The following KIAA0319 variants were observed in gnomAD, a reference collection of about 807,000 sequenced individuals.
KIAA0319 encodes KIAA0319, also known as dyslexia-associated protein KIAA0319.
KIAA0319 carries 83 observed loss-of-function variants against 108.4 expected under a neutral mutation model. The observed-to-expected ratio is 0.77, with a 90% confidence interval of 0.64 to 0.92. The LOEUF is 0.92. Among genes scored for constraint, KIAA0319 ranks in the 40% least tolerant of loss-of-function variants. The pLI, the probability that KIAA0319 is intolerant of heterozygous loss-of-function variation, is 0.00. For missense variants in KIAA0319, 1,195 were observed against 1,322.4 expected (o/e 0.90, Z 1.49); for synonymous variants, 484 against 510.4 (o/e 0.95, Z 0.70).
chr6:24,569,080 C>G (rs1764302105), intron 12 of KIAA0319, 151 bp from the exon 13 acceptor site: 2 of 758,962 alleles, frequency 2.6e-6, no homozygotes, highest in Non-Finnish European at 4.1e-6. Context: ...TCTGTACTCT[C>G]TAGTTCAGTG....
rs542288208 is a variant in KIAA0319, at chr6:24,576,477, G to T, written c.1625C>A (p.Pro542His). 2.5e-5 allele frequency: 40 copies of T among 1,614,106 alleles called. No individual in the cohort carries two copies. The African/African-American group carries it at 4.8e-4, about 19-fold the overall frequency. Residue 542 changes from proline to histidine, a missense_variant, in exon 10 of 21, where the codon CCC (proline) becomes CAC (histidine). Transcript: ENST00000378214. Reference protein sequence around the residue: ...NAGPNHTITLPQNSITLNGNQ... With the variant: ...NAGPNHTITLHQNSITLNGNQ... The stretch of plus-strand genomic sequence containing the variant: ...TCCATTCAAAGTGATGGAGTTTTGG[G>T]GCAAAGTTATGGTGTGATTTGGTCC...
intron 1 of KIAA0319, among the ~76,000 whole-genome samples, chr6:24,610,726 G>T (rs1250310237): frequency 1.3e-5 from 2 of 152,052 alleles, no homozygotes; most frequent in Non-Finnish European, 2.9e-5. Context: ...TTTGTGACAA[G>T]CCTGGGCAAC....
At chr6:24,598,221 C>A in intron 2 of KIAA0319, 1 of 530,650 alleles carries the variant, frequency 1.9e-6, no homozygotes. Context: ...TGGAGGGCAT[C>A]ACAGCCATCA....
chr6:24,601,657 G>A (rs143034481), intron 1 of KIAA0319, among the ~76,000 whole-genome samples: 1 of 152,276 alleles, frequency 6.6e-6, no homozygotes, highest in South Asian at 2.1e-4. Context: ...GGCATCCTAC[G>A]TGACTGGTTA....
rs149012243 is a variant in KIAA0319 at position 24,564,296 on chromosome 6, C to A, written c.2337G>T (p.Thr779=). 12 of 1,614,118 alleles carry A rather than the reference C, an allele frequency of 7.4e-6. No individual in the cohort carries two copies. The highest frequency in any genetic ancestry group is 1.0e-5 in the Non-Finnish European group (12 of 1,180,024). Reference sequence around the variant, plus strand: ...AAGTGTACACCCCCTCCACCAGATTCGTAAGCTGCAGAGCCACACTGTGGT... The same window carrying A: ...AAGTGTACACCCCCTCCACCAGATTAGTAAGCTGCAGAGCCACACTGTGGT... ...GSDHSVALQL[T]NLVEGVYTFH... The change falls in exon 15 of 21, where the codon ACG becomes ACT. Residue 779 remains threonine, a synonymous_variant. Transcript: ENST00000378214.
chr6:24,566,824 C>T, intron 13 of KIAA0319, 76 bp from the exon 14 acceptor site: 1 of 1,335,800 alleles, frequency 7.5e-7, no homozygotes, highest in South Asian at 1.4e-5. Context: ...TGTCATAAAA[C>T]ATCCACAACT....
chr6:24,636,368 C>A (rs759247667), intron 1 of KIAA0319, among the ~76,000 whole-genome samples: 7 of 152,184 alleles, frequency 4.6e-5, no homozygotes, highest in Non-Finnish European at 8.8e-5. Context: ...TCACAAAGTT[C>A]ATGGAAAATG....
At chr6:24,619,792 G>T (rs1184776652) in intron 1 of KIAA0319, among the ~76,000 whole-genome samples, 1 of 152,194 alleles carries the variant, frequency 6.6e-6, no homozygotes, top group Non-Finnish European at 1.5e-5. Context: ...GGTGCAAGGG[G>T]GAGAAACTTA....
chr6:24,549,872 G>T (rs181981242), intron 20 of KIAA0319, among the ~76,000 whole-genome samples: 3 of 152,146 alleles, frequency 2.0e-5, no homozygotes, highest in African/African-American at 2.4e-5. Flanking sequence ...TGTCTGGAGT[G>T]GGGGGCGGTG....
At chr6:24,551,232 C>T (rs1761445495) in intron 20 of KIAA0319, among the ~76,000 whole-genome samples, 1 of 151,736 alleles carries the variant, frequency 6.6e-6, no homozygotes, top group Non-Finnish European at 1.5e-5. Flanking sequence ...GGCGCCTTGG[C>T]CTAAGTGCTA....
chr6:24,565,146 G>A (rs10456042), intron 14 of KIAA0319, among the ~76,000 whole-genome samples: 14,433 of 151,988 alleles, frequency 0.095, 686 homozygotes, highest in South Asian at 0.15. Context: ...CCAGCTACTC[G>A]GGAGGCTGAG....
chr6:24,602,556 T>TTTGG (rs760615923), intron 1 of KIAA0319, among the ~76,000 whole-genome samples: 24 of 152,100 alleles, frequency 1.6e-4, no homozygotes, highest in Non-Finnish European at 3.1e-4. Flanking sequence ...ATCCCAGCAC[T>TTTGG]TTGGGAGGCC....
chr6:24,599,852 G>T lies in KIAA0319; in HGVS notation c.55+1197C>A. On this transcript the variant is annotated intron_variant, in intron 2 of 20. Coordinates refer to ENST00000378214, the MANE Select transcript of KIAA0319 (RefSeq NM_014809.4). This position sits in a 1 kb window ranked among gnomAD's most constrained non-coding sequence, Gnocchi z 4.1. ...TGACTGCCCCAGAGCCTGTGGGGGA[G>T]GCCACTGTGCAGGGGAGCATAGGGA... The T allele has an allele frequency of 2.3e-6, 1 of 427,848 alleles. No individual in the cohort carries two copies. Among genetic ancestry groups the T allele is most frequent in the Non-Finnish European group, 4.4e-6 (1 of 226,830 alleles). 26.5% of individuals were successfully genotyped at this position (427,848 alleles called of 1,614,324 possible).
chr6:24,579,444 C>CAT (rs1199112016), intron 8 of KIAA0319, among the ~76,000 whole-genome samples: 1 of 118,652 alleles, frequency 8.4e-6, no homozygotes, highest in Non-Finnish European at 1.7e-5. Context: ...TTATATATCT[C>CAT]ATATATATCT....
At chr6:24,632,727 A>C (rs1433461553) in intron 1 of KIAA0319, among the ~76,000 whole-genome samples, 1 of 152,266 alleles carries the variant, frequency 6.6e-6, no homozygotes, top group Non-Finnish European at 1.5e-5. Flanking sequence ...CCAAGTCAAC[A>C]AAGTAAAACT....
chr6:24,618,801 TA>T (rs1292740881), intron 1 of KIAA0319, among the ~76,000 whole-genome samples: 2 of 149,562 alleles, frequency 1.3e-5, no homozygotes, highest in Non-Finnish European at 3.0e-5. Flanking sequence ...GGTACAAGAC[TA>T]AAAGAAAAAA....
rs150775201 is a variant in KIAA0319, at chr6:24,639,488, A to G, written c.-106+6248T>C. ...GATAAAGACTGAGTTTACTATGCAT[A>G]TATTCTTACTAAAAGAGTTACTATA... On this transcript the variant is annotated intron_variant, in intron 1 of 20. Coordinates refer to ENST00000378214, the MANE Select transcript of KIAA0319 (RefSeq NM_014809.4). Among the ~76,000 whole-genome samples the G allele has an allele frequency of 2.8e-3, 434 of 152,374 alleles. 7 individuals carry two copies. The highest frequency in any genetic ancestry group is 9.7e-3 in the African/African-American group (402 of 41,592).
At chr6:24,642,735 TTG>T (rs1361875937) in intron 1 of KIAA0319, among the ~76,000 whole-genome samples, 35 of 133,296 alleles carry the variant, frequency 2.6e-4, no homozygotes, top group African/African-American at 8.1e-4. Flanking sequence ...TTTTTTTTTT[TTG>T]AATTAGAGTC....
At chr6:24,586,938 A>G (rs756001096) in intron 4 of KIAA0319, among the ~76,000 whole-genome samples, 1 of 151,952 alleles carries the variant, frequency 6.6e-6, no homozygotes, top group African/African-American at 2.4e-5. Context: ...CAATGTCCCC[A>G]AAGTTCCAGT....
Sources: allele counts gnomAD v4.1 joint callset (sites outside exome capture counted in the v4.1 genomes callset), GRCh38; gene constraint gnomAD v4.1.1; non-coding constraint Gnocchi (gnomAD v3.1); transcripts MANE v1.5; gene names NCBI Gene and HGNC (gene_info 2026-07-23, HGNC 2026-07-21).